Variants in GRAMD2B observed in about 807,000 individuals in gnomAD.
The protein encoded by GRAMD2B is GRAM domain containing 2B, also known as GRAM domain-containing protein 2B.
GRAMD2B carries 41 observed loss-of-function variants against 59.2 expected under a neutral mutation model. The observed-to-expected ratio is 0.69, with a 90% confidence interval of 0.54 to 0.90. The LOEUF (loss-of-function observed/expected upper bound fraction) is 0.90, where lower values mean the gene tolerates loss of function less well. Ranked by LOEUF, GRAMD2B falls within the 40% of genes least tolerant of loss-of-function variation. GRAMD2B has a pLI of 0.00. For synonymous variants in GRAMD2B, 161 were observed against 182.7 expected (o/e 0.88, Z 0.96); for missense variants, 424 against 500.5 (o/e 0.85, Z 1.46).
rs1243955217 is a variant in GRAMD2B at position 126,486,306 on chromosome 5, T to G, written c.1058+533T>G. Among the ~76,000 whole-genome samples, 4 of 152,210 alleles carry G rather than the reference T, an allele frequency of 2.6e-5. No homozygotes were observed. The East Asian group carries it at 7.7e-4, about 29-fold the overall frequency. On this transcript the variant is annotated intron_variant, in intron 11 of 13. Coordinates refer to ENST00000285689, the MANE Select transcript of GRAMD2B (RefSeq NM_023927.4). The stretch of plus-strand genomic sequence containing the variant: ...CTATTCCTTCTATCTAGCTATAATT[T>G]TGTTTTGCCATCTGTCCCATGTCCC...
intron 1 of GRAMD2B, among the ~76,000 whole-genome samples, chr5:126,463,774 T>C (rs991027424): frequency 6.6e-6 from 1 of 152,262 alleles, no homozygotes; most frequent in Admixed American, 6.5e-5. Flanking sequence ...ATCCCAGCAC[T>C]TTGGGAGGCC....
chr5:126,388,475 T>A (rs968027535), intron 1 of GRAMD2B, among the ~76,000 whole-genome samples: 1 of 152,100 alleles, frequency 6.6e-6, no homozygotes, highest in South Asian at 2.1e-4. Flanking sequence ...GTAAGTGAGA[T>A]GTTATTTACT....
At chr5:126,370,866 A>G (rs1754714843), upstream of GRAMD2B, among the ~76,000 whole-genome samples, 1 of 152,230 alleles carries the variant, frequency 6.6e-6, no homozygotes, top group Admixed American at 6.5e-5. Context: ...GACTTTGTGT[A>G]TATCACTTCC....
exon 1 of GRAMD2B, chr5:126,371,556 G>T: frequency 7.8e-7 from 1 of 1,288,628 alleles, no homozygotes; most frequent in East Asian, 5.6e-5. Flanking sequence ...GCCCCAGCTC[G>T]GTGTTCCTCA....
rs192614242 is a variant in GRAMD2B, at chr5:126,462,317, A to G, written c.84-3109A>G. ...GGTTCAGCTTCATTGACAGTAACTT[A>G]AAAGTTTCCAAAAGGCCTTGAGGAA... On this transcript the variant is annotated intron_variant, in intron 1 of 13. Coordinates refer to ENST00000285689, the MANE Select transcript of GRAMD2B (RefSeq NM_023927.4). 132 of 592,556 alleles carry G rather than the reference A, an allele frequency of 2.2e-4. No individual in the cohort carries two copies. In the Middle Eastern group the frequency reaches 8.5e-3, roughly 38 times the overall value. 36.7% of individuals were successfully genotyped at this position (592,556 alleles called of 1,614,324 possible).
intron 1 of GRAMD2B, among the ~76,000 whole-genome samples, chr5:126,400,061 T>C (rs984646727): frequency 7.0e-6 from 1 of 143,298 alleles, no homozygotes; most frequent in Non-Finnish European, 1.5e-5. Context: ...TGTGATTTGA[T>C]TTTTTTTTTT....
At chr5:126,412,760 G>GT (rs949060410) in intron 1 of GRAMD2B, among the ~76,000 whole-genome samples, 9 of 151,890 alleles carry the variant, frequency 5.9e-5, no homozygotes, top group South Asian at 2.1e-4. Context: ...TGATTGGTAG[G>GT]TTTTTTATTA....
intron 1 of GRAMD2B, chr5:126,462,388 C>A (rs909577508): frequency 4.1e-6 from 4 of 984,708 alleles, no homozygotes; most frequent in Admixed American, 6.2e-5. Context: ...CACACGCTAG[C>A]CTCTGCTGCT....
chr5:126,436,153 A>G (rs554046823), intron 1 of GRAMD2B, among the ~76,000 whole-genome samples: 6 of 152,380 alleles, frequency 3.9e-5, no homozygotes, highest in Admixed American at 3.9e-4. Context: ...TTCCTCAGAA[A>G]TGAAATTGGG....
chr5:126,371,258 T>G, upstream of GRAMD2B: 1 of 1,076,242 alleles, frequency 9.3e-7, no homozygotes, highest in Non-Finnish European at 1.1e-6. Flanking sequence ...TGTGTCACAC[T>G]GATATGTTAA....
intron 11 of GRAMD2B, among the ~76,000 whole-genome samples, chr5:126,486,083 T>C (rs1490573237): frequency 6.6e-6 from 1 of 152,184 alleles, no homozygotes; most frequent in African/African-American, 2.4e-5. Context: ...AATTGACATA[T>C]AATCATTGTA....
intron 5 of GRAMD2B, among the ~76,000 whole-genome samples, chr5:126,476,362 T>C (rs1770629003): frequency 6.6e-6 from 1 of 152,180 alleles, no homozygotes; most frequent in Non-Finnish European, 1.5e-5. Flanking sequence ...TTTCAAGAAG[T>C]AGATGTTCAA....
chr5:126,418,284 TA>T (rs1463617410), intron 1 of GRAMD2B, among the ~76,000 whole-genome samples: 1 of 152,246 alleles, frequency 6.6e-6, no homozygotes, highest in Non-Finnish European at 1.5e-5. Flanking sequence ...GCATGTACTT[TA>T]AAACTCTGAG....
chr5:126,419,915 C>A (rs1484640769), upstream of GRAMD2B, among the ~76,000 whole-genome samples: 1 of 151,630 alleles, frequency 6.6e-6, no homozygotes, highest in African/African-American at 2.4e-5. Context: ...ATTAGCTGGG[C>A]GTGGTGGTGT....
chr5:126,388,659 G>A (rs776265346), intron 1 of GRAMD2B, among the ~76,000 whole-genome samples: 55 of 150,266 alleles, frequency 3.7e-4, no homozygotes, highest in Non-Finnish European at 7.1e-4. Flanking sequence ...CGTTGTATAA[G>A]CCATGTAATT....
intron 1 of GRAMD2B, among the ~76,000 whole-genome samples, chr5:126,376,483 T>C (rs971711054): frequency 6.6e-6 from 1 of 152,192 alleles, no homozygotes; most frequent in Non-Finnish European, 1.5e-5. Context: ...TGCCCTTCTT[T>C]CCTTCTGCCC....
At chr5:126,383,030 G>C (rs534978230) in intron 1 of GRAMD2B, among the ~76,000 whole-genome samples, 1 of 152,314 alleles carries the variant, frequency 6.6e-6, no homozygotes, top group South Asian at 2.1e-4. Flanking sequence ...TCTGCAAAGT[G>C]TCCTGTGTTG....
chr5:126,428,093 C>T (rs1760921672), intron 1 of GRAMD2B, among the ~76,000 whole-genome samples: 3 of 152,056 alleles, frequency 2.0e-5, no homozygotes, highest in South Asian at 4.2e-4. Context: ...ATTAACCAGG[C>T]GTGATGGTTC....
At chr5:126,441,544 A>G (rs1001806249) in intron 1 of GRAMD2B, among the ~76,000 whole-genome samples, 1 of 152,236 alleles carries the variant, frequency 6.6e-6, no homozygotes, top group Non-Finnish European at 1.5e-5. Context: ...AAGGACAATC[A>G]GTAGGCTTCC....
Sources: gnomAD v4.1 joint callset for allele counts (sites outside exome capture counted in the v4.1 genomes callset) on GRCh38, gnomAD v4.1.1 for gene constraint, MANE v1.5 for transcripts, NCBI Gene and HGNC (gene_info 2026-07-23, HGNC 2026-07-21) for gene names.